Variants in ATP11A observed in about 807,000 individuals in gnomAD.
ATP11A encodes the protein phospholipid-transporting ATPase IH.
ATP11A carries 81 observed loss-of-function variants against 154.4 expected under a neutral mutation model. That is an observed-to-expected ratio of 0.52 (90% confidence interval 0.44 to 0.63). ATP11A has a LOEUF of 0.63. Among genes scored for constraint, ATP11A ranks in the 30% least tolerant of loss-of-function variants. The probability of loss-of-function intolerance (pLI) is 0.00; values close to 1 mark genes in which losing one functional copy is unlikely to be tolerated. For missense variants in ATP11A, 1,316 were observed against 1,474.3 expected, an observed-to-expected ratio of 0.89 and a Z score of 1.76; for synonymous variants, 623 against 585.9, an observed-to-expected ratio of 1.06 and a Z score of -0.91.
At chr13:112,817,288 C>T (rs1323968317) in intron 6 of ATP11A, among the ~76,000 whole-genome samples, 1 of 152,168 alleles carries the variant, frequency 6.6e-6, no homozygotes, top group African/African-American at 2.4e-5. Flanking sequence ...GAGATAGAGA[C>T]ATTTTCTTTA....
intron 1 of ATP11A, among the ~76,000 whole-genome samples, chr13:112,776,919 G>A (rs1360843907): frequency 1.3e-5 from 2 of 152,152 alleles, no homozygotes; most frequent in African/African-American, 4.8e-5. Context: ...CGGGTGAGAG[G>A]CTTCAGCTCC....
chr13:112,692,659 A>G (rs1291286659), intron 1 of ATP11A, among the ~76,000 whole-genome samples: 1 of 152,108 alleles, frequency 6.6e-6, no homozygotes, highest in Non-Finnish European at 1.5e-5. Context: ...TTGTGGGATA[A>G]TATTATTTCT....
At chr13:112,699,663 A>G (rs1345617509) in intron 1 of ATP11A, among the ~76,000 whole-genome samples, 1 of 152,212 alleles carries the variant, frequency 6.6e-6, no homozygotes, top group Non-Finnish European at 1.5e-5. Context: ...TGGAAGGAGC[A>G]CATTTCACAG....
Position 112,746,245 on chromosome 13 carries a change from C to G in ATP11A, c.40-38890C>G, listed in dbSNP as rs947197013. On this transcript the variant is annotated intron_variant, in intron 1 of 29. Transcript: ENST00000375645. The surrounding 1 kb of genome is among the most constrained non-coding windows in gnomAD (Gnocchi z 4.1). ...CTGGGTCATACCTATGTTTAATTCT[C>G]TGAGGAACCTCCGTGCTGTCTCCAT... 6.6e-6 allele frequency: 1 copy of G among 152,216 alleles called. No homozygotes were observed. Among genetic ancestry groups the G allele is most frequent in the African/African-American group, 2.4e-5 (1 of 41,446 alleles). The allele number at this position is 152,216 out of a possible 1,614,324, so 9.4% of individuals were successfully genotyped here.
chr13:112,712,519 G>A (rs990883091), intron 1 of ATP11A, among the ~76,000 whole-genome samples: 7 of 152,062 alleles, frequency 4.6e-5, no homozygotes, highest in East Asian at 1.9e-4. Context: ...CAGCAACCCC[G>A]TCCTGTCCTT....
In ATP11A at chr13:112,860,280, C is replaced by T; in HGVS notation, c.2728-7C>T. ...AGGTGCCACTTCTTGTGACTTTCCTCTTACAGACTTTGTACGACACCGCGT... is the reference window on the plus strand; with the variant it reads ...AGGTGCCACTTCTTGTGACTTTCCTTTTACAGACTTTGTACGACACCGCGT... On this transcript the variant is annotated splice_polypyrimidine_tract_variant and splice_region_variant and intron_variant, in intron 23 of 29. Transcript: ENST00000375645. 1 of 1,612,080 alleles carries T rather than the reference C, an allele frequency of 6.2e-7. No individual in the cohort carries two copies. The highest frequency in any genetic ancestry group is 1.1e-5 in the South Asian group (1 of 90,942).
intron 1 of ATP11A, among the ~76,000 whole-genome samples, chr13:112,736,000 C>T (rs1437205840): frequency 6.6e-6 from 1 of 152,154 alleles, no homozygotes; most frequent in Non-Finnish European, 1.5e-5. Flanking sequence ...CCTCCGTATG[C>T]GCATGCTCAG....
At position 112,875,366 on chromosome 13, in the gene ATP11A, C is replaced by T. The variant is rs201703397; in HGVS notation, c.3162-410C>T. On this transcript the variant is annotated intron_variant, in intron 27 of 29. Coordinates refer to ENST00000375645, the MANE Select transcript of ATP11A (RefSeq NM_015205.3). The surrounding 1 kb of genome is among the most constrained non-coding windows in gnomAD (Gnocchi z 4.1). ...GCTGACGCAGACGTCTTTGAATCAT[C>T]CTCTTTCTGGGGAGAGAAGTCATTG... Among the ~76,000 whole-genome samples, 2 of 152,224 alleles carry T rather than the reference C, an allele frequency of 1.3e-5. No homozygotes were observed. The highest frequency in any genetic ancestry group is 4.8e-5 in the African/African-American group (2 of 41,462).
chr13:112,691,193 G>A (rs1885121824), intron 1 of ATP11A, among the ~76,000 whole-genome samples: 1 of 152,102 alleles, frequency 6.6e-6, no homozygotes, highest in African/African-American at 2.4e-5. Flanking sequence ...GGCCGGGCGC[G>A]GTGGCTCACG....
chr13:112,858,073 C>G (rs569668020), intron 21 of ATP11A, 72 bp from the exon 22 acceptor site: 4 of 1,586,002 alleles, frequency 2.5e-6, no homozygotes, highest in African/African-American at 2.7e-5. Context: ...TTCATCCGTT[C>G]TTCTCCCCGT....
intron 6 of ATP11A, among the ~76,000 whole-genome samples, chr13:112,816,863 T>A (rs2078660663): frequency 6.6e-6 from 1 of 152,258 alleles, no homozygotes; most frequent in Admixed American, 6.5e-5. Context: ...ATGAATAGAT[T>A]GTTGGAATTT....
Position 112,859,481 on chromosome 13 carries a change from T to C in ATP11A, c.2727+29T>C, listed in dbSNP as rs761786684. On this transcript the variant is annotated intron_variant, in intron 23 of 29. Transcript: ENST00000375645. This position sits in a 1 kb window ranked among gnomAD's most constrained non-coding sequence, Gnocchi z 4.3. ...AGTCCTAGGGTCTTCAGGGACAGGCTGTCTGAGCCTTCTTTTCCTTCCCGC... is the reference window on the plus strand; with the variant it reads ...AGTCCTAGGGTCTTCAGGGACAGGCCGTCTGAGCCTTCTTTTCCTTCCCGC... 5 of 1,587,986 alleles carry C rather than the reference T, an allele frequency of 3.1e-6. No individual in the cohort carries two copies. The highest frequency in any genetic ancestry group is 4.3e-6 in the Non-Finnish European group (5 of 1,156,472).
intron 9 of ATP11A, 31 bp downstream of exon 9, chr13:112,823,440 C>A: frequency 6.4e-7 from 1 of 1,551,564 alleles, no homozygotes; most frequent in Non-Finnish European, 8.9e-7. Flanking sequence ...TAACCATTGC[C>A]CCTAACATTA....
intron 16 of ATP11A, among the ~76,000 whole-genome samples, chr13:112,837,421 G>A (rs1427171295): frequency 3.9e-5 from 6 of 152,212 alleles, no homozygotes; most frequent in East Asian, 1.9e-4. Flanking sequence ...CTGTCTGTCC[G>A]TCTGCAGCCA....
chr13:112,811,053 C>CTTTT (rs112079556), intron 5 of ATP11A, among the ~76,000 whole-genome samples: 1 of 139,590 alleles, frequency 7.2e-6, no homozygotes, highest in Admixed American at 7.1e-5. Context: ...CTCCCTACTT[C>CTTTT]TTTTTTTTTT....
At chr13:112,832,115 C>T (rs755375661) in intron 13 of ATP11A, among the ~76,000 whole-genome samples, 56 of 152,264 alleles carry the variant, frequency 3.7e-4, no homozygotes, top group Non-Finnish European at 6.3e-4. Context: ...ACCGTGTGCA[C>T]GCACAGACAC....
intron 1 of ATP11A, among the ~76,000 whole-genome samples, chr13:112,779,460 G>T (rs2077445961): frequency 6.6e-6 from 1 of 152,122 alleles, no homozygotes; most frequent in Admixed American, 6.5e-5. Context: ...TGCTTCAGCT[G>T]GGACAGGGCA....
At chr13:112,748,903 C>T (rs991776767) in intron 1 of ATP11A, among the ~76,000 whole-genome samples, 1 of 152,210 alleles carries the variant, frequency 6.6e-6, no homozygotes, top group Admixed American at 6.5e-5. Flanking sequence ...CCTTAACACT[C>T]GCGTTTGTTA....
At chr13:112,740,154 A>ATATATCTC (rs1430761765) in intron 1 of ATP11A, among the ~76,000 whole-genome samples, 53 of 139,608 alleles carry the variant, frequency 3.8e-4, no homozygotes, top group African/African-American at 1.4e-3. Context: ...CTCTCTATAT[A>ATATATCTC]TATATATATA....
Sources: gnomAD v4.1 joint callset for allele counts (sites outside exome capture counted in the v4.1 genomes callset) on GRCh38, gnomAD v4.1.1 for gene constraint, Gnocchi (gnomAD v3.1) non-coding constraint, MANE v1.5 for transcripts, NCBI Gene and HGNC (gene_info 2026-07-23, HGNC 2026-07-21) for gene names.